MLLT3: variants seen among roughly 807,000 people sequenced by gnomAD.
MLLT3 encodes MLLT3 super elongation complex subunit.
Under a neutral mutation model 53.2 loss-of-function variants are expected in MLLT3, and 4 were observed. The ratio of observed to expected loss-of-function variants is 0.08; its 90% confidence interval spans 0.04 to 0.17. MLLT3 has a LOEUF of 0.17. Ranked by LOEUF, MLLT3 falls within the 10% of genes least tolerant of loss-of-function variation. The pLI, the probability that MLLT3 is intolerant of heterozygous loss-of-function variation, is 1.00. For missense variants in MLLT3, 569 were observed against 684.0 expected (o/e 0.83, Z 1.87); for synonymous variants, 283 against 230.6 (o/e 1.23, Z -2.06).
chr9:20,480,464 G>A (rs1824633727), intron 2 of MLLT3, among the ~76,000 whole-genome samples: 1 of 152,146 alleles, frequency 6.6e-6, no homozygotes. Context: ...GATGAGCAAA[G>A]ACAAATTTCC....
At chr9:20,440,934 T>C (rs1823531766) in intron 4 of MLLT3, among the ~76,000 whole-genome samples, 1 of 152,130 alleles carries the variant, frequency 6.6e-6, no homozygotes, top group Non-Finnish European at 1.5e-5. Context: ...ACGGTTACTA[T>C]ATTAAGAGTT....
intron 2 of MLLT3, among the ~76,000 whole-genome samples, chr9:20,563,072 G>A (rs1256258074): frequency 6.6e-6 from 1 of 152,130 alleles, no homozygotes; most frequent in Non-Finnish European, 1.5e-5. Flanking sequence ...AAGAAGCACA[G>A]TAACCTATCA....
intron 5 of MLLT3, among the ~76,000 whole-genome samples, chr9:20,409,367 T>G (rs1822666423): frequency 6.6e-6 from 1 of 152,178 alleles, no homozygotes; most frequent in African/African-American, 2.4e-5. Flanking sequence ...CAAAATTATA[T>G]GAAAAACAAA....
intron 2 of MLLT3, among the ~76,000 whole-genome samples, chr9:20,512,905 A>G (rs958852096): frequency 6.6e-6 from 1 of 152,244 alleles, no homozygotes; most frequent in African/African-American, 2.4e-5. Context: ...CAAGCTATAA[A>G]GTGACTAAGT....
intron 2 of MLLT3, among the ~76,000 whole-genome samples, chr9:20,571,602 C>T (rs1399123723): frequency 6.6e-6 from 1 of 152,136 alleles, no homozygotes; most frequent in Admixed American, 6.5e-5. Context: ...CCTCCCACCC[C>T]CAGACAGGCC....
chr9:20,560,996 A>G (rs1819195113), intron 2 of MLLT3, among the ~76,000 whole-genome samples: 2 of 152,158 alleles, frequency 1.3e-5, no homozygotes, highest in African/African-American at 4.8e-5. Flanking sequence ...CTATAAATTG[A>G]GACAGTTTAG....
chr9:20,556,252 C>T (rs916557735), intron 2 of MLLT3, among the ~76,000 whole-genome samples: 3 of 151,996 alleles, frequency 2.0e-5, no homozygotes, highest in African/African-American at 7.2e-5. Flanking sequence ...AATATTTATA[C>T]AATTACTTCT....
chr9:20,582,664 G>C (rs751373737), intron 2 of MLLT3, among the ~76,000 whole-genome samples: 7 of 152,088 alleles, frequency 4.6e-5, no homozygotes, highest in Non-Finnish European at 8.8e-5. Context: ...GATAGGAGGT[G>C]AAACACACTT....
chr9:20,406,821 G>C (rs1822590052), intron 5 of MLLT3, among the ~76,000 whole-genome samples: 1 of 152,110 alleles, frequency 6.6e-6, no homozygotes, highest in African/African-American at 2.4e-5. Flanking sequence ...AAACATTTTA[G>C]TAAATGCTTC....
At chr9:20,436,547 GAGA>G (rs1171710962) in intron 4 of MLLT3, among the ~76,000 whole-genome samples, 4 of 152,186 alleles carry the variant, frequency 2.6e-5, no homozygotes, top group Non-Finnish European at 4.4e-5. Context: ...ATGCAACTAA[GAGA>G]AGTGGCCCTG....
chr9:20,522,961 TAAAAAATA>T (rs1395070040), intron 2 of MLLT3, among the ~76,000 whole-genome samples: 1 of 151,046 alleles, frequency 6.6e-6, no homozygotes, highest in Non-Finnish European at 1.5e-5. Context: ...GACCCTGTCT[TAAAAAATA>T]AATAAATAAA....
chr9:20,456,575 G>A (rs944440318), intron 3 of MLLT3, 129 bp downstream of exon 3: 3 of 665,854 alleles, frequency 4.5e-6, no homozygotes, highest in Non-Finnish European at 7.6e-6. Flanking sequence ...AAAATTCCTA[G>A]AAGACAAATT....
At chr9:20,504,036 GA>G (rs1825319686) in intron 2 of MLLT3, among the ~76,000 whole-genome samples, 1 of 151,970 alleles carries the variant, frequency 6.6e-6, no homozygotes, top group East Asian at 1.9e-4. Flanking sequence ...GGCTATTATC[GA>G]AAAGATGAAG....
chr9:20,496,516 G>A (rs1258164991), intron 2 of MLLT3, among the ~76,000 whole-genome samples: 1 of 152,108 alleles, frequency 6.6e-6, no homozygotes, highest in Non-Finnish European at 1.5e-5. Flanking sequence ...GAGTACAGGG[G>A]AGGTTAGGTT....
intron 5 of MLLT3, among the ~76,000 whole-genome samples, chr9:20,380,590 T>G (rs1483344209): frequency 6.6e-6 from 1 of 152,012 alleles, no homozygotes; most frequent in Non-Finnish European, 1.5e-5. Flanking sequence ...CTTTTAAAAC[T>G]TCAACACATT....
At chr9:20,346,852 G>C (rs532770201) in intron 10 of MLLT3, among the ~76,000 whole-genome samples, 2 of 152,122 alleles carry the variant, frequency 1.3e-5, no homozygotes, top group South Asian at 2.1e-4. Context: ...ATTTAACTGT[G>C]AGTGAGCAGT....
chr9:20,543,180 C>G (rs921293350), intron 2 of MLLT3, among the ~76,000 whole-genome samples: 2 of 152,168 alleles, frequency 1.3e-5, no homozygotes, highest in African/African-American at 4.8e-5. Flanking sequence ...TCTTAACATT[C>G]GACTGTTCAC....
chr9:20,575,331 T>C (rs985477885), intron 2 of MLLT3, among the ~76,000 whole-genome samples: 1 of 152,198 alleles, frequency 6.6e-6, no homozygotes, highest in African/African-American at 2.4e-5. Context: ...CTATGGCAGC[T>C]ATAGCCATAG....
intron 10 of MLLT3, 96 bp from the exon 11 acceptor site, chr9:20,346,670 T>C: frequency 8.4e-7 from 1 of 1,196,022 alleles, no homozygotes. Context: ...TGGAATCAAG[T>C]GATAAATATT....
Sources: allele counts gnomAD v4.1 joint callset (sites outside exome capture counted in the v4.1 genomes callset), GRCh38; gene constraint gnomAD v4.1.1; transcripts MANE v1.5; gene names NCBI Gene and HGNC (gene_info 2026-07-23, HGNC 2026-07-21).